The following SULF1 variants were observed in gnomAD, a reference collection of about 807,000 sequenced individuals.
The protein encoded by SULF1 is extracellular sulfatase Sulf-1.
SULF1 carries 46 observed loss-of-function variants against 110.5 expected under a neutral mutation model. That is an observed-to-expected ratio of 0.42 (90% CI 0.33 to 0.53). SULF1 has a LOEUF of 0.53. Among genes scored for constraint, SULF1 ranks in the 20% least tolerant of loss-of-function variants. The pLI, the probability that SULF1 is intolerant of heterozygous loss-of-function variation, is 0.12. For missense variants in SULF1, 941 were observed against 1,094.2 expected (o/e 0.86, Z 1.98); for synonymous variants, 371 against 387.1 (o/e 0.96, Z 0.49).
At position 69,629,525 on chromosome 8, in the gene SULF1, T is replaced by C. The variant is rs553015313; in HGVS notation, c.2130T>C (p.Asp710=). ...HPFKEAAQEV[D]SKLQLFKENN... is the part of the protein sequence containing the mutation. ...ACAGGGAGGCTGCTCAGGAAGTAGA[T>C]AGCAAACTGCAACTTTTCAAGGAGA... Residue 710 remains aspartate (D), a synonymous_variant, in exon 19 of 23, where the codon GAT becomes GAC. Coordinates refer to ENST00000402687, the MANE Select transcript of SULF1 (RefSeq NM_001128205.2). 326 of 1,613,342 alleles carry C rather than the reference T, an allele frequency of 2.0e-4. 6 individuals carry two copies. The South Asian group carries it at 2.9e-3, about 14-fold the overall frequency.
intron 3 of SULF1, among the ~76,000 whole-genome samples, chr8:69,530,097 T>C (rs951553862): frequency 1.3e-5 from 2 of 152,186 alleles, no homozygotes; most frequent in African/African-American, 4.8e-5. Context: ...CATTCAGTTA[T>C]AATTGCAGTG....
chr8:69,614,533 G>A (rs567773601), intron 13 of SULF1, among the ~76,000 whole-genome samples: 3 of 152,350 alleles, frequency 2.0e-5, no homozygotes, highest in Admixed American at 6.5e-5. Flanking sequence ...TTTGAAATGC[G>A]TTTGACATAT....
chr8:69,550,310 T>C lies in SULF1; in HGVS notation c.-133-13229T>C, dbSNP rs569724706. On this transcript the variant is annotated intron_variant, in intron 3 of 22. Coordinates refer to ENST00000402687, the MANE Select transcript of SULF1 (RefSeq NM_001128205.2). ...AAAAATGAGTGAAAATAGTTCCTAC[T>C]TCATTGGTGTGTGGCTATGATAAAG... Among the ~76,000 whole-genome samples, 15 of 152,216 alleles carry C rather than the reference T, an allele frequency of 9.9e-5. No homozygotes were observed. In the South Asian group the frequency reaches 2.9e-3, roughly 29 times the overall value.
intron 3 of SULF1, among the ~76,000 whole-genome samples, chr8:69,518,465 A>G (rs1478011177): frequency 1.3e-5 from 2 of 152,170 alleles, no homozygotes; most frequent in South Asian, 2.1e-4. Context: ...GGAAATTGCA[A>G]ATATTACATT....
At chr8:69,496,840 GTGAAGTT>G (rs1277381569) in intron 2 of SULF1, among the ~76,000 whole-genome samples, 1 of 152,228 alleles carries the variant, frequency 6.6e-6, no homozygotes. Flanking sequence ...GTTCGCAGCT[GTGAAGTT>G]CCCCAGACAC....
intron 3 of SULF1, among the ~76,000 whole-genome samples, chr8:69,533,046 C>T (rs1177788293): frequency 6.6e-6 from 1 of 152,176 alleles, no homozygotes; most frequent in Non-Finnish European, 1.5e-5. Flanking sequence ...ATCAAGAACA[C>T]TTGCTTGGCT....
intron 13 of SULF1, among the ~76,000 whole-genome samples, chr8:69,611,787 TA>T (rs1297576616): frequency 1.3e-5 from 2 of 152,194 alleles, no homozygotes; most frequent in African/African-American, 4.8e-5. Flanking sequence ...AGTGTGTGTT[TA>T]TGTATAAAAT....
chr8:69,566,037 T>C (rs971202505), intron 5 of SULF1, among the ~76,000 whole-genome samples: 5 of 152,048 alleles, frequency 3.3e-5, no homozygotes, highest in South Asian at 4.2e-4. Context: ...TCCAGCAGCA[T>C]TGATGGAACT....
chr8:69,636,492 G>A (rs913611592), intron 19 of SULF1, among the ~76,000 whole-genome samples: 3 of 151,652 alleles, frequency 2.0e-5, no homozygotes, highest in South Asian at 2.1e-4. Context: ...AGCCGAGATC[G>A]CTCCACTGCA....
rs1224708572 is a variant in SULF1, at chr8:69,638,465, T to G, written c.2285-37T>G. 8 of 1,600,896 alleles carry G rather than the reference T, an allele frequency of 5.0e-6. No individual in the cohort carries two copies. The East Asian group carries it at 1.6e-4, about 31-fold the overall frequency. On this transcript the variant is annotated intron_variant, in intron 19 of 22. Transcript: ENST00000402687. ...CAAGCCTGCCTAAGGTTTTTCACTCTTTTTGTTTTGTTGTGTTTTTCTTTT... is the reference window on the plus strand; with the variant it reads ...CAAGCCTGCCTAAGGTTTTTCACTCGTTTTGTTTTGTTGTGTTTTTCTTTT...
chr8:69,527,966 T>C (rs1461546033), intron 3 of SULF1, among the ~76,000 whole-genome samples: 2 of 152,264 alleles, frequency 1.3e-5, no homozygotes, highest in South Asian at 2.1e-4. Flanking sequence ...TCCAATATAA[T>C]GCATCAAACT....
chr8:69,564,591 A>G (rs1273603084), intron 5 of SULF1, among the ~76,000 whole-genome samples: 1 of 152,194 alleles, frequency 6.6e-6, no homozygotes, highest in Non-Finnish European at 1.5e-5. Context: ...ACAGTTTGTT[A>G]TAGTAATTGT....
intron 3 of SULF1, among the ~76,000 whole-genome samples, chr8:69,557,355 G>A (rs573427172): frequency 9.2e-5 from 14 of 152,140 alleles, no homozygotes; most frequent in Non-Finnish European, 1.9e-4. Context: ...AGATCACTTT[G>A]TTTTCCTTTG....
chr8:69,620,430 C>T (rs116891852), intron 13 of SULF1, among the ~76,000 whole-genome samples: 2,950 of 152,262 alleles, frequency 0.019, 33 homozygotes, highest in Middle Eastern at 0.068. Context: ...CTTCTTCTAC[C>T]CAGGGTTTCC....
chr8:69,529,547 G>A (rs1701582501), intron 3 of SULF1, among the ~76,000 whole-genome samples: 1 of 152,180 alleles, frequency 6.6e-6, no homozygotes, highest in African/African-American at 2.4e-5. Flanking sequence ...CTGTGAATCA[G>A]GAATGTGGGA....
intron 6 of SULF1, among the ~76,000 whole-genome samples, chr8:69,578,621 CTG>C (rs1333672386): frequency 1.3e-5 from 2 of 151,404 alleles, no homozygotes; most frequent in Non-Finnish European, 2.9e-5. Context: ...TGGGATGAAA[CTG>C]TGTACACACC....
At chr8:69,556,235 C>T (rs960637815) in intron 3 of SULF1, among the ~76,000 whole-genome samples, 8 of 152,142 alleles carry the variant, frequency 5.3e-5, no homozygotes, top group Non-Finnish European at 8.8e-5. Flanking sequence ...GACATTAGTG[C>T]TCAGCAAACA....
At chr8:69,575,841 AT>A (rs770363821) in intron 5 of SULF1, 128 bp from the exon 6 acceptor site, 3 of 1,150,782 alleles carry the variant, frequency 2.6e-6, no homozygotes, top group Non-Finnish European at 3.6e-6. Context: ...AGCTGATCAA[AT>A]TATAGACTCC....
chr8:69,526,668 G>A (rs1029755159), intron 3 of SULF1, among the ~76,000 whole-genome samples: 2 of 152,006 alleles, frequency 1.3e-5, no homozygotes, highest in Non-Finnish European at 2.9e-5. Flanking sequence ...GCATGTGCCT[G>A]TAGTCCCAGC....
Sources: allele counts gnomAD v4.1 joint callset (sites outside exome capture counted in the v4.1 genomes callset), GRCh38; gene constraint gnomAD v4.1.1; transcripts MANE v1.5; gene names NCBI Gene and HGNC (gene_info 2026-07-23, HGNC 2026-07-21).